Variants in ZFAT observed in about 807,000 individuals in gnomAD.
The protein encoded by ZFAT is zinc finger and AT-hook domain containing, also known as zinc finger protein ZFAT.
Under a neutral mutation model 117.7 loss-of-function variants are expected in ZFAT, and 64 were observed. That is an observed-to-expected ratio of 0.54 (90% CI 0.44 to 0.67). The LOEUF is 0.67. Ranked by LOEUF, ZFAT falls within the 30% of genes least tolerant of loss-of-function variation. The pLI is 0.00. For missense variants in ZFAT, 1,433 were observed against 1,584.5 expected (o/e 0.90, Z 1.62); for synonymous variants, 679 against 615.0 (o/e 1.10, Z -1.54).
intron 1 of ZFAT, among the ~76,000 whole-genome samples, chr8:134,705,380 T>TG (rs907015391): frequency 9.4e-5 from 14 of 149,340 alleles, no homozygotes; most frequent in South Asian, 2.1e-4. Context: ...TTTTTTTGTT[T>TG]TTTTTTTTTT....
the ZFAT span, among the ~76,000 whole-genome samples, chr8:134,773,984 A>ATTTTT: frequency 4.6e-4 from 48 of 103,288 alleles, no homozygotes; most frequent in African/African-American, 1.4e-3. Context: ...TTGAGGATTA[A>ATTTTT]TTTTTTTTTT....
the ZFAT span, among the ~76,000 whole-genome samples, chr8:134,729,843 A>G: frequency 6.6e-6 from 1 of 152,222 alleles, no homozygotes; most frequent in Non-Finnish European, 1.5e-5. Flanking sequence ...AAAACTTAAG[A>G]GTATCCACTC....
At chr8:134,521,371 C>T (rs986672065) in intron 12 of ZFAT, among the ~76,000 whole-genome samples, 7 of 152,068 alleles carry the variant, frequency 4.6e-5, no homozygotes, top group Non-Finnish European at 1.0e-4. Flanking sequence ...ATTTAGAAAA[C>T]GAGAACAATG....
chr8:134,516,593 G>A (rs542760476), intron 13 of ZFAT, among the ~76,000 whole-genome samples: 35 of 152,252 alleles, frequency 2.3e-4, no homozygotes, highest in East Asian at 9.7e-4. Flanking sequence ...CCAGCACTTC[G>A]GGAAGCCAGG....
chr8:134,624,458 C>T (rs185539716), intron 3 of ZFAT, among the ~76,000 whole-genome samples: 6 of 152,100 alleles, frequency 3.9e-5, no homozygotes, highest in Admixed American at 3.9e-4. Flanking sequence ...GAGTTTGAGA[C>T]CAGCGTGGCT....
intron 12 of ZFAT, among the ~76,000 whole-genome samples, chr8:134,528,523 T>C (rs1008558642): frequency 3.3e-5 from 5 of 152,222 alleles, no homozygotes; most frequent in African/African-American, 4.8e-5. Context: ...AATACACAAA[T>C]ATACATCCAA....
intron 15 of ZFAT, among the ~76,000 whole-genome samples, chr8:134,496,451 G>A (rs1438323230): frequency 6.6e-6 from 1 of 152,198 alleles, no homozygotes; most frequent in Non-Finnish European, 1.5e-5. Context: ...TCCGGGGCAG[G>A]GGAGCTCTGT....
At chr8:134,682,740 C>T (rs970886166) in intron 1 of ZFAT, among the ~76,000 whole-genome samples, 1 of 152,120 alleles carries the variant, frequency 6.6e-6, no homozygotes, top group African/African-American at 2.4e-5. Context: ...ACTGGGCAGG[C>T]TGGATGTTAG....
chr8:134,645,198 C>A (rs769197125), intron 2 of ZFAT, among the ~76,000 whole-genome samples: 21 of 152,016 alleles, frequency 1.4e-4, no homozygotes, highest in Non-Finnish European at 2.5e-4. Context: ...TAACGAGAGA[C>A]CAAAATAATA....
the ZFAT span, among the ~76,000 whole-genome samples, chr8:134,820,757 A>G: frequency 9.2e-5 from 14 of 152,258 alleles, no homozygotes; most frequent in Non-Finnish European, 1.8e-4. Flanking sequence ...ATCCGACTAC[A>G]GAAAGAACCC....
In ZFAT at chr8:134,483,697, C is replaced by A. The variant is rs1191933603; in HGVS notation, c.3493-4976G>T. 4.6e-5 allele frequency among the ~76,000 whole-genome samples: 7 copies of A among 152,156 alleles called. No homozygotes were observed. In the East Asian group the frequency reaches 9.6e-4, roughly 21 times the overall value. On this transcript the variant is annotated intron_variant, in intron 15 of 15. Coordinates refer to ENST00000377838, the MANE Select transcript of ZFAT (RefSeq NM_020863.4). ...TAGATAGCTCGATAGAAACCCTTAA[C>A]CCCTGGGACGCAGAAATCATTCACT... is the stretch of plus-strand genomic sequence containing the variant.
chr8:134,620,795 G>A (rs369496038), intron 3 of ZFAT, among the ~76,000 whole-genome samples: 33 of 152,280 alleles, frequency 2.2e-4, no homozygotes, highest in East Asian at 9.7e-4. Flanking sequence ...GGCCTAGGCA[G>A]GGTGCTTGAC....
chr8:134,831,753 G>A, the ZFAT span, among the ~76,000 whole-genome samples: 1 of 151,880 alleles, frequency 6.6e-6, no homozygotes, highest in South Asian at 2.1e-4. Flanking sequence ...GCACTCCAGG[G>A]CCGCACCGCA....
At chr8:134,773,530 G>T in the ZFAT span, among the ~76,000 whole-genome samples, 1 of 152,238 alleles carries the variant, frequency 6.6e-6, no homozygotes, top group Non-Finnish European at 1.5e-5. Context: ...TATTTTGTAA[G>T]TCTATAGCTG....
intron 15 of ZFAT, among the ~76,000 whole-genome samples, chr8:134,496,740 A>G (rs1818467736): frequency 6.6e-6 from 1 of 152,152 alleles, no homozygotes; most frequent in South Asian, 2.1e-4. Flanking sequence ...ATAACCAACC[A>G]CACTAGATAT....
the ZFAT span, among the ~76,000 whole-genome samples, chr8:134,830,093 C>A: frequency 6.6e-6 from 1 of 152,146 alleles, no homozygotes; most frequent in Non-Finnish European, 1.5e-5. Flanking sequence ...CATATGACCT[C>A]CACGATGCCA....
chr8:134,674,694 A>C (rs1422221954), intron 1 of ZFAT: 1 of 184,286 alleles, frequency 5.4e-6, no homozygotes, highest in Non-Finnish European at 1.1e-5. Context: ...GTGTATCCAG[A>C]CTGGGAGACA....
At chr8:134,527,529 C>G (rs1193002105) in intron 12 of ZFAT, among the ~76,000 whole-genome samples, 1 of 152,204 alleles carries the variant, frequency 6.6e-6, no homozygotes, top group Admixed American at 6.5e-5. Context: ...CCTACTGTCT[C>G]TTAACTCAGT....
At position 134,691,292 on chromosome 8, in the gene ZFAT, G is replaced by T. The variant is rs535760297; in HGVS notation, c.19+21553C>A. Among the ~76,000 whole-genome samples, 683 of 152,382 alleles carry T rather than the reference G, an allele frequency of 4.5e-3. 5 individuals carry two copies. The highest frequency in any genetic ancestry group is 0.015 in the African/African-American group (617 of 41,592). ...TCTGAACAAGCTATCCAGTGGCCCT[G>T]GGTCTTCTCTCCTGCAGGCCTGGCA... On this transcript the variant is annotated intron_variant, in intron 1 of 15. Transcript: ENST00000377838.
Sources: gnomAD v4.1 joint callset for allele counts (sites outside exome capture counted in the v4.1 genomes callset) on GRCh38, gnomAD v4.1.1 for gene constraint, MANE v1.5 for transcripts, NCBI Gene and HGNC (gene_info 2026-07-23, HGNC 2026-07-21) for gene names.